Variants in VIPR2 observed in about 807,000 individuals in gnomAD.
VIPR2 encodes the protein vasoactive intestinal polypeptide receptor 2.
Under a neutral mutation model 58.0 loss-of-function variants are expected in VIPR2, and 48 were observed. That is an observed-to-expected ratio of 0.83 (90% CI 0.66 to 1.05). The LOEUF is 1.05. Among genes scored for constraint, VIPR2 ranks in the 50% least tolerant of loss-of-function variants. VIPR2 has a pLI of 0.00. For missense variants in VIPR2, 534 were observed against 558.0 expected, an observed-to-expected ratio of 0.96 and a Z score of 0.43; for synonymous variants, 243 against 235.2, an observed-to-expected ratio of 1.03 and a Z score of -0.30.
intron 2 of VIPR2, among the ~76,000 whole-genome samples, chr7:159,132,905 T>TTGGCATACCGATTGATTTTAGACAGAA (rs1797014493): frequency 7.2e-6 from 1 of 138,154 alleles, no homozygotes; most frequent in Non-Finnish European, 1.6e-5. Flanking sequence ...GACAGAATGA[T>TTGGCATACCGATTGATTTTAGACAGAA]TGGCATACAG....
In VIPR2 at chr7:159,061,619, C is replaced by T. The variant is rs367830849; in HGVS notation, c.358-3041G>A. Among the ~76,000 whole-genome samples the T allele has an allele frequency of 1.4e-4, 21 of 151,922 alleles. No homozygotes were observed. The East Asian group carries it at 2.3e-3, about 17-fold the overall frequency. ...CCTAAGCTGTGATCACACCACTGCT[C>T]TCCAGCCTGGGTGACAGAGCGAGGA... On this transcript the variant is annotated intron_variant, in intron 4 of 12. Transcript: ENST00000262178.
intron 4 of VIPR2, among the ~76,000 whole-genome samples, chr7:159,087,608 T>C (rs1173388082): frequency 8.4e-6 from 1 of 119,700 alleles, no homozygotes; most frequent in East Asian, 2.7e-4. Context: ...AGGATTCTGA[T>C]AGTGAGATAC....
chr7:159,075,809 G>A (rs1019005745), intron 4 of VIPR2, among the ~76,000 whole-genome samples: 10 of 147,888 alleles, frequency 6.8e-5, no homozygotes, highest in East Asian at 3.9e-4. Flanking sequence ...GCCCAGGGCC[G>A]GCACCCACGG....
At chr7:159,057,958 G>A (rs148615229) in intron 5 of VIPR2, among the ~76,000 whole-genome samples, 184 of 152,190 alleles carry the variant, frequency 1.2e-3, no homozygotes, top group African/African-American at 1.8e-3. Flanking sequence ...CACATCTACC[G>A]ACACATCAAG....
rs190568043 is a variant in VIPR2, at chr7:159,046,830, C to T, written c.456-3654G>A. 1.6e-3 allele frequency among the ~76,000 whole-genome samples: 239 copies of T among 152,196 alleles called. 1 individual carries two copies. Among genetic ancestry groups the T allele is most frequent in the Middle Eastern group, 0.01 (3 of 294 alleles). ...AGGATGTTAAAAGAAATTTTTATTT[C>T]ATTTGTTAGAGAAATATAAAGAACA... On this transcript the variant is annotated intron_variant, in intron 5 of 12. Coordinates refer to ENST00000262178, the MANE Select transcript of VIPR2 (RefSeq NM_003382.5).
chr7:159,037,868 T>C (rs1416199701), intron 6 of VIPR2, among the ~76,000 whole-genome samples: 1 of 152,224 alleles, frequency 6.6e-6, no homozygotes, highest in Non-Finnish European at 1.5e-5. Context: ...TTTATGTTCA[T>C]ATCTATAGAC....
chr7:159,083,612 A>C (rs1585442970), intron 4 of VIPR2, among the ~76,000 whole-genome samples: 1 of 152,198 alleles, frequency 6.6e-6, no homozygotes, highest in East Asian at 1.9e-4. Context: ...TAGCCGGGCC[A>C]GGCCTGCTTC....
At chr7:159,108,778 C>CT (rs1795874483) in intron 3 of VIPR2, among the ~76,000 whole-genome samples, 1 of 152,212 alleles carries the variant, frequency 6.6e-6, no homozygotes, top group Admixed American at 6.5e-5. Flanking sequence ...CCAATTCCCT[C>CT]CAGATCTCCA....
chr7:159,049,213 C>T (rs1046426546), intron 5 of VIPR2, among the ~76,000 whole-genome samples: 2 of 152,216 alleles, frequency 1.3e-5, no homozygotes, highest in Admixed American at 6.5e-5. Flanking sequence ...ATTTTGTTTA[C>T]AACTCTCTTA....
chr7:159,128,118 C>T lies in VIPR2; in HGVS notation c.151+14328G>A, dbSNP rs1019499766. On this transcript the variant is annotated intron_variant, in intron 2 of 12. Transcript: ENST00000262178. The surrounding 1 kb of genome is among the most constrained non-coding windows in gnomAD (Gnocchi z 4.1). ...ACCTGGTAGTGGTCTCTCCTTCAGGCTCCTGCTGCCTCTGCCCCTGAGGGA... is the reference window on the plus strand; with the variant it reads ...ACCTGGTAGTGGTCTCTCCTTCAGGTTCCTGCTGCCTCTGCCCCTGAGGGA... Among the ~76,000 whole-genome samples, 1 of 152,180 alleles carries T rather than the reference C, an allele frequency of 6.6e-6. No individual in the cohort carries two copies. Among genetic ancestry groups the T allele is most frequent in the African/African-American group, 2.4e-5 (1 of 41,448 alleles).
At chr7:159,062,136 C>A (rs1484560514) in intron 4 of VIPR2, among the ~76,000 whole-genome samples, 1 of 152,150 alleles carries the variant, frequency 6.6e-6, no homozygotes, top group African/African-American at 2.4e-5. Flanking sequence ...CCAACAGGGA[C>A]TTGATGGGGG....
chr7:159,078,897 T>C (rs567670062), intron 4 of VIPR2, among the ~76,000 whole-genome samples: 3 of 152,178 alleles, frequency 2.0e-5, no homozygotes, highest in Non-Finnish European at 4.4e-5. Context: ...CGCTAGGTGT[T>C]ATCCTCCTGA....
At chr7:159,135,103 G>A (rs972514391) in intron 2 of VIPR2, among the ~76,000 whole-genome samples, 1 of 137,974 alleles carries the variant, frequency 7.2e-6, no homozygotes, top group African/African-American at 2.7e-5. Context: ...GCTTCATGCT[G>A]TCTCTAGTCT....
rs759158825 is a variant in VIPR2 at position 159,096,954 on chromosome 7, C to T, written c.357+6803G>A. 270 of 1,550,620 alleles carry T rather than the reference C, an allele frequency of 1.7e-4. 2 individuals carry two copies. The Middle Eastern group carries it at 3.5e-3, about 20-fold the overall frequency. Reference sequence around the variant, plus strand: ...CCCTCGTGGCTGGCATTGAGCTTGGCACCTGCTGGGCCTGAGGACCATGAG... The same window carrying T: ...CCCTCGTGGCTGGCATTGAGCTTGGTACCTGCTGGGCCTGAGGACCATGAG... On this transcript the variant is annotated intron_variant, in intron 4 of 12. Coordinates refer to ENST00000262178, the MANE Select transcript of VIPR2 (RefSeq NM_003382.5). This position sits in a 1 kb window ranked among gnomAD's most constrained non-coding sequence, Gnocchi z 5.5.
At chr7:159,032,562 G>A (rs1314516351) in intron 10 of VIPR2, among the ~76,000 whole-genome samples, 1 of 152,210 alleles carries the variant, frequency 6.6e-6, no homozygotes, top group Non-Finnish European at 1.5e-5. Flanking sequence ...CAGCGGCAGA[G>A]GACCTGCCTG....
intron 2 of VIPR2, among the ~76,000 whole-genome samples, chr7:159,118,210 C>T (rs1192858301): frequency 6.6e-6 from 1 of 152,186 alleles, no homozygotes; most frequent in Non-Finnish European, 1.5e-5. Flanking sequence ...ACCTTCCCAG[C>T]CGCATGTCTG....
chr7:159,132,954 TCA>T (rs1563355585), intron 2 of VIPR2, among the ~76,000 whole-genome samples: 6 of 147,200 alleles, frequency 4.1e-5, no homozygotes, highest in South Asian at 2.1e-4. Flanking sequence ...CAGATTGATT[TCA>T]GACAGAATGA....
chr7:159,087,969 C>A (rs1173144612), intron 4 of VIPR2, among the ~76,000 whole-genome samples: 1 of 152,230 alleles, frequency 6.6e-6, no homozygotes, highest in Non-Finnish European at 1.5e-5. Context: ...CAAGTGGGGG[C>A]ACTCCCTATC....
chr7:159,144,532 A>AGTC (rs2129498835), intron 1 of VIPR2, 189 bp downstream of exon 1: 1 of 1,516,182 alleles, frequency 6.6e-7, no homozygotes, highest in Non-Finnish European at 8.9e-7. Context: ...ACCCGGCGGG[A>AGTC]CCGGAGCTCA....
Sources: gnomAD v4.1 joint callset for allele counts (sites outside exome capture counted in the v4.1 genomes callset) on GRCh38, gnomAD v4.1.1 for gene constraint, Gnocchi (gnomAD v3.1) non-coding constraint, MANE v1.5 for transcripts, NCBI Gene and HGNC (gene_info 2026-07-23, HGNC 2026-07-21) for gene names.